Variants in LRMDA observed in about 807,000 individuals in gnomAD.
LRMDA encodes leucine-rich melanocyte differentiation-associated protein.
In LRMDA, 18 loss-of-function variants were observed where a neutral mutation model predicts 29.8. The observed-to-expected ratio is 0.60, with a 90% confidence interval of 0.42 to 0.90. The LOEUF is 0.90. Among genes scored for constraint, LRMDA ranks in the 40% least tolerant of loss-of-function variants. The probability of loss-of-function intolerance (pLI) is 0.00; values close to 1 mark genes in which losing one functional copy is unlikely to be tolerated. For synonymous variants in LRMDA, 125 were observed against 109.4 expected (o/e 1.14, Z -0.89); for missense variants, 273 against 273.9 (o/e 1.00, Z 0.02).
At chr10:76,504,331 A>G (rs980722329) in intron 6 of LRMDA, among the ~76,000 whole-genome samples, 3 of 152,036 alleles carry the variant, frequency 2.0e-5, no homozygotes, top group African/African-American at 7.2e-5. Flanking sequence ...TATTCTTTAA[A>G]TGTCTATTGG....
chr10:76,205,813 T>C (rs1851523805), intron 5 of LRMDA, among the ~76,000 whole-genome samples: 1 of 152,062 alleles, frequency 6.6e-6, no homozygotes. Context: ...GAAGTAACTC[T>C]TGGGGGAAGT....
chr10:75,537,070 C>T (rs1160278265), intron 2 of LRMDA, among the ~76,000 whole-genome samples: 1 of 152,172 alleles, frequency 6.6e-6, no homozygotes, highest in Non-Finnish European at 1.5e-5. Flanking sequence ...GCCTTACGTT[C>T]CGGTCAAGAG....
At chr10:76,092,733 T>A (rs1849250158) in intron 5 of LRMDA, among the ~76,000 whole-genome samples, 1 of 152,212 alleles carries the variant, frequency 6.6e-6, no homozygotes, top group Admixed American at 6.5e-5. Context: ...AGCAAGTGTG[T>A]ATGGAATAGG....
intron 2 of LRMDA, among the ~76,000 whole-genome samples, chr10:75,623,243 C>A (rs1363553914): frequency 1.3e-5 from 2 of 152,060 alleles, no homozygotes; most frequent in Non-Finnish European, 2.9e-5. Flanking sequence ...TATCTGATTC[C>A]AATTTAACAC....
intron 2 of LRMDA, among the ~76,000 whole-genome samples, chr10:75,867,706 C>T (rs2132328540): frequency 6.6e-6 from 1 of 152,292 alleles, no homozygotes; most frequent in South Asian, 2.1e-4. Flanking sequence ...TCTGGGGACT[C>T]AGGATTTAGG....
intron 2 of LRMDA, among the ~76,000 whole-genome samples, chr10:75,901,357 A>G (rs1479417309): frequency 6.6e-6 from 1 of 151,640 alleles, no homozygotes; most frequent in Non-Finnish European, 1.5e-5. Flanking sequence ...TCCAAGAGGC[A>G]TCACTTTGAA....
chr10:75,623,840 C>T (rs540145618), intron 2 of LRMDA, among the ~76,000 whole-genome samples: 5 of 152,248 alleles, frequency 3.3e-5, no homozygotes, highest in East Asian at 1.9e-4. Context: ...AGAAAGCAAC[C>T]GATTTTGACA....
At chr10:76,192,269 C>T (rs1317396572) in intron 5 of LRMDA, among the ~76,000 whole-genome samples, 1 of 152,184 alleles carries the variant, frequency 6.6e-6, no homozygotes, top group Non-Finnish European at 1.5e-5. Context: ...AGATATGACA[C>T]AGAGCTTGGG....
At chr10:76,004,834 TCTC>T (rs1211017347) in intron 2 of LRMDA, among the ~76,000 whole-genome samples, 1 of 151,812 alleles carries the variant, frequency 6.6e-6, no homozygotes, top group Non-Finnish European at 1.5e-5. Context: ...TTCATGCCAT[TCTC>T]CTGCTTCAGC....
intron 2 of LRMDA, among the ~76,000 whole-genome samples, chr10:75,823,760 A>C (rs975530098): frequency 6.7e-6 from 1 of 150,372 alleles, no homozygotes; most frequent in African/African-American, 2.5e-5. Context: ...ACTTACATAC[A>C]CACACACACA....
chr10:75,667,003 G>C (rs955018225), intron 2 of LRMDA, among the ~76,000 whole-genome samples: 1 of 152,162 alleles, frequency 6.6e-6, no homozygotes, highest in African/African-American at 2.4e-5. Flanking sequence ...TGAAAAGGAA[G>C]AGGGTGGCGT....
intron 2 of LRMDA, among the ~76,000 whole-genome samples, chr10:75,471,129 T>C (rs1737599246): frequency 6.6e-6 from 1 of 152,188 alleles, no homozygotes; most frequent in African/African-American, 2.4e-5. Flanking sequence ...ACAGACGTTT[T>C]CTAACTGCCT....
At chr10:76,551,801 A>T (rs1438656208) in intron 6 of LRMDA, among the ~76,000 whole-genome samples, 1 of 152,120 alleles carries the variant, frequency 6.6e-6, no homozygotes. Flanking sequence ...TCTGCAGTGG[A>T]CCAAGACGCT....
intron 2 of LRMDA, among the ~76,000 whole-genome samples, chr10:75,918,943 A>G (rs1203365552): frequency 6.6e-6 from 1 of 152,256 alleles, no homozygotes; most frequent in Admixed American, 6.5e-5. Context: ...GTTGGGAGTT[A>G]GGAGAGTTGT....
intron 5 of LRMDA, among the ~76,000 whole-genome samples, chr10:76,126,595 T>C (rs78225882): frequency 0.012 from 1,863 of 152,318 alleles, 43 homozygotes; most frequent in African/African-American, 0.042. Flanking sequence ...CATCTGGGCT[T>C]CTGTTTCTTT....
chr10:76,354,563 T>C (rs1428732386), intron 6 of LRMDA, among the ~76,000 whole-genome samples: 1 of 152,216 alleles, frequency 6.6e-6, no homozygotes, highest in East Asian at 1.9e-4. Flanking sequence ...AGTAGCCAGC[T>C]GCTTCCTGGT....
At chr10:75,674,226 A>G (rs1449803140) in intron 2 of LRMDA, among the ~76,000 whole-genome samples, 1 of 152,228 alleles carries the variant, frequency 6.6e-6, no homozygotes, top group Non-Finnish European at 1.5e-5. Flanking sequence ...AAGCCATTAG[A>G]AAAGATTAGA....
intron 2 of LRMDA, among the ~76,000 whole-genome samples, chr10:76,019,838 A>G (rs555205431): frequency 6.6e-6 from 1 of 152,204 alleles, no homozygotes; most frequent in Admixed American, 6.5e-5. Context: ...TATAGATTTG[A>G]GTTGGGGAAT....
At chr10:76,466,193 A>G (rs986572961) in intron 6 of LRMDA, among the ~76,000 whole-genome samples, 2 of 152,180 alleles carry the variant, frequency 1.3e-5, no homozygotes, top group African/African-American at 4.8e-5. Flanking sequence ...GGCTGGAGTC[A>G]TGAGAACTTA....
Sources: allele counts gnomAD v4.1 joint callset (sites outside exome capture counted in the v4.1 genomes callset), GRCh38; gene constraint gnomAD v4.1.1; transcripts MANE v1.5; gene names NCBI Gene and HGNC (gene_info 2026-07-23, HGNC 2026-07-21).